Variants in ZNF516 observed in about 807,000 individuals in gnomAD.
ZNF516 encodes zinc finger protein 516.
Under a neutral mutation model 79.7 loss-of-function variants are expected in ZNF516, and 19 were observed. The ratio of observed to expected loss-of-function variants is 0.24; its 90% CI spans 0.17 to 0.35. The LOEUF is 0.35. ZNF516 is among the 10% of genes least tolerant of loss of function. The pLI is 1.00. For synonymous variants in ZNF516, 877 were observed against 739.5 expected (o/e 1.19, Z -3.02); for missense variants, 1,678 against 1,679.5 (o/e 1.00, Z 0.02).
At chr18:76,420,199 G>A (rs936331353) in intron 3 of ZNF516, among the ~76,000 whole-genome samples, 2 of 152,224 alleles carry the variant, frequency 1.3e-5, no homozygotes, top group Non-Finnish European at 2.9e-5. Flanking sequence ...TGGAGATGGT[G>A]TAAATAAGCT....
chr18:76,399,801 G>GT (rs1269202323), intron 3 of ZNF516, among the ~76,000 whole-genome samples: 1 of 152,074 alleles, frequency 6.6e-6, no homozygotes, highest in Non-Finnish European at 1.5e-5. Flanking sequence ...TTCAATACCG[G>GT]TCCCAGGTGG....
intron 3 of ZNF516, among the ~76,000 whole-genome samples, chr18:76,390,798 G>A (rs1420798892): frequency 6.6e-6 from 1 of 152,172 alleles, no homozygotes; most frequent in Non-Finnish European, 1.5e-5. Context: ...CACTTTCCGG[G>A]TTCACTGGGT....
In ZNF516 at chr18:76,379,011, C is replaced by T. The variant is rs574187313; in HGVS notation, c.3103G>A (p.Ala1035Thr). Residue 1035 changes from alanine to threonine, a missense_variant, in exon 4 of 7, where the codon GCG (alanine) becomes ACG (threonine). By Grantham distance (58) the Ala-to-Thr change is moderately conservative (BLOSUM62 0). This residue lies in a region of ZNF516 where 1,294 missense variants were observed against 1,248.3 expected (regional missense o/e 1.04). Coordinates refer to ENST00000443185, the MANE Select transcript of ZNF516 (RefSeq NM_014643.4). ...ALQAQPGVAGAPPVLHSIKQE... is the reference protein window; with the variant it reads ...ALQAQPGVAGTPPVLHSIKQE... ...TTGATGGAGTGTAGGACGGGGGGCG[C>T]CCCAGCCACGCCGGGCTGGGCCTGC... 6.2e-7 allele frequency: 1 copy of T among 1,612,284 alleles called. No individual in the cohort carries two copies. Among genetic ancestry groups the T allele is most frequent in the South Asian group, 1.1e-5 (1 of 91,066 alleles).
chr18:76,403,370 A>C (rs762690817), intron 3 of ZNF516, among the ~76,000 whole-genome samples: 3 of 152,334 alleles, frequency 2.0e-5, no homozygotes, highest in South Asian at 4.1e-4. Flanking sequence ...GTACACATAC[A>C]AAGCACAAGC....
intron 3 of ZNF516, among the ~76,000 whole-genome samples, chr18:76,403,467 TCA>T (rs1222406937): frequency 2.0e-5 from 3 of 152,170 alleles, no homozygotes; most frequent in Non-Finnish European, 4.4e-5. Context: ...ATGTGTGCAG[TCA>T]CACACGCATT....
intron 3 of ZNF516, among the ~76,000 whole-genome samples, chr18:76,437,067 A>AACACACACACAC (rs370573337): frequency 0.2 from 27,341 of 135,674 alleles, 2,994 homozygotes; most frequent in South Asian, 0.34. Context: ...ACCTGTCTAA[A>AACACACACACAC]ACACACACAC....
At chr18:76,366,503 AAG>A (rs1173764520) in intron 6 of ZNF516, among the ~76,000 whole-genome samples, 3 of 152,200 alleles carry the variant, frequency 2.0e-5, no homozygotes, top group African/African-American at 7.2e-5. Flanking sequence ...AAACAAAACA[AAG>A]AGAAGCACGC....
intron 3 of ZNF516, among the ~76,000 whole-genome samples, chr18:76,421,963 T>C (rs965823559): frequency 6.6e-6 from 1 of 152,172 alleles, no homozygotes; most frequent in Admixed American, 6.5e-5. Context: ...GTGTTTTGTT[T>C]TGTTTTGTTT....
intron 4 of ZNF516, among the ~76,000 whole-genome samples, chr18:76,373,570 T>C (rs910426618): frequency 2.6e-5 from 4 of 152,218 alleles, no homozygotes. Context: ...TGTCTAACAT[T>C]CACAACTTTC....
intron 3 of ZNF516, chr18:76,385,781 C>CCCCCG (rs1555698694): frequency 2.0e-5 from 3 of 150,574 alleles, no homozygotes; most frequent in Non-Finnish European, 4.4e-5. Flanking sequence ...GCACTGCCCC[C>CCCCCG]CCCCCGGGAG....
chr18:76,472,362 ATG>A (rs1163957912), intron 1 of ZNF516, among the ~76,000 whole-genome samples: 1 of 139,420 alleles, frequency 7.2e-6, no homozygotes, highest in East Asian at 1.9e-4. Context: ...ACACTTGCAC[ATG>A]TGTGTGTGCA....
upstream of ZNF516, chr18:76,495,752 G>A (rs1251914325): frequency 8.6e-7 from 1 of 1,166,832 alleles, no homozygotes; most frequent in Non-Finnish European, 1.1e-6. Context: ...CGCCCCATCT[G>A]GACTGAAATG....
chr18:76,489,586 C>CAAAAAA (rs5826461), intron 1 of ZNF516, among the ~76,000 whole-genome samples: 2 of 109,396 alleles, frequency 1.8e-5, no homozygotes, highest in South Asian at 2.9e-4. Context: ...CAACATCTTA[C>CAAAAAA]AAAAAAAAAA....
At chr18:76,473,538 A>T (rs573507795) in intron 1 of ZNF516, among the ~76,000 whole-genome samples, 2 of 152,294 alleles carry the variant, frequency 1.3e-5, no homozygotes, top group South Asian at 4.1e-4. Flanking sequence ...GCGGTGGCTC[A>T]CGCCTGTAAT....
At chr18:76,392,100 A>G (rs947294577) in intron 3 of ZNF516, among the ~76,000 whole-genome samples, 1 of 152,238 alleles carries the variant, frequency 6.6e-6, no homozygotes, top group Non-Finnish European at 1.5e-5. Context: ...CCAGGAAGCC[A>G]GCGCAGACTC....
chr18:76,381,929 C>A (rs956190681), intron 3 of ZNF516, among the ~76,000 whole-genome samples: 1 of 152,174 alleles, frequency 6.6e-6, no homozygotes, highest in Admixed American at 6.5e-5. Flanking sequence ...GTCAGGAGTT[C>A]AAGACCAGCC....
chr18:76,485,344 TTCTG>T (rs761664775), intron 1 of ZNF516, among the ~76,000 whole-genome samples: 2 of 152,216 alleles, frequency 1.3e-5, no homozygotes, highest in Non-Finnish European at 2.9e-5. Context: ...CATAAAAATG[TTCTG>T]TCTGTGTCAC....
At chr18:76,401,998 CGT>C (rs146204004) in intron 3 of ZNF516, among the ~76,000 whole-genome samples, 2,850 of 149,262 alleles carry the variant, frequency 0.019, 38 homozygotes, top group Middle Eastern at 0.045. Flanking sequence ...TGTGTACGCG[CGT>C]GTGTACACGT....
rs2074533050 is a variant in ZNF516, at chr18:76,361,244, C to T, written c.*1254G>A. ...ATTACCATCACACATAGTGTCACGG[C>T]AATGGGAAAAGAAAATATTTATATC... On this transcript the variant is annotated 3_prime_UTR_variant, in exon 7 of 7. Coordinates refer to ENST00000443185, the MANE Select transcript of ZNF516 (RefSeq NM_014643.4). The T allele has an allele frequency of 6.6e-6, 1 of 152,116 alleles. No individual in the cohort carries two copies. Among genetic ancestry groups the T allele is most frequent in the Non-Finnish European group, 1.5e-5 (1 of 68,030 alleles). The allele number at this position is 152,116 out of a possible 1,614,324, so 9.4% of individuals were successfully genotyped here.
Sources: gnomAD v4.1 joint callset for allele counts (sites outside exome capture counted in the v4.1 genomes callset) on GRCh38, gnomAD v4.1.1 for gene constraint, gnomAD v4.1.1 regional missense constraint, MANE v1.5 for transcripts, NCBI Gene and HGNC (gene_info 2026-07-23, HGNC 2026-07-21) for gene names.